PTGES3: variants seen among roughly 807,000 people sequenced by gnomAD.
The protein encoded by PTGES3 is Hsp90 co-chaperone.
In PTGES3, 5 loss-of-function variants were observed where a neutral mutation model predicts 29.9. The ratio of observed to expected loss-of-function variants is 0.17; its 90% CI spans 0.09 to 0.35. The LOEUF (loss-of-function observed/expected upper bound fraction) is 0.35. Ranked by LOEUF, PTGES3 falls within the 10% of genes least tolerant of loss-of-function variation. The pLI is 1.00. For missense variants in PTGES3, 128 were observed against 190.0 expected (o/e 0.67, Z 1.92); for synonymous variants, 49 against 57.8 (o/e 0.85, Z 0.69).
chr12:56,677,475 T>C (rs570049641), intron 1 of PTGES3, among the ~76,000 whole-genome samples: 2 of 152,276 alleles, frequency 1.3e-5, no homozygotes, highest in South Asian at 4.1e-4. Context: ...CCAAGCAACA[T>C]AACTATATTG....
chr12:56,669,652 G>A (rs1265224715), intron 5 of PTGES3, among the ~76,000 whole-genome samples: 1 of 151,330 alleles, frequency 6.6e-6, no homozygotes, highest in East Asian at 2.0e-4. Flanking sequence ...CCGCTCTTTC[G>A]CCAGGCTGGA....
chr12:56,673,133 C>A (rs1056506729), intron 1 of PTGES3, 68 bp from the exon 2 acceptor site: 5 of 1,031,792 alleles, frequency 4.8e-6, no homozygotes, highest in South Asian at 4.5e-5. Flanking sequence ...TACTAACCTT[C>A]GACACCATTA....
intron 1 of PTGES3, among the ~76,000 whole-genome samples, chr12:56,675,478 A>G (rs1057406600): frequency 6.6e-6 from 1 of 150,960 alleles, no homozygotes; most frequent in Non-Finnish European, 1.5e-5. Context: ...GCAGTGAGCC[A>G]AGATCACACT....
intron 5 of PTGES3, among the ~76,000 whole-genome samples, chr12:56,667,707 G>A (rs1323153260): frequency 6.6e-6 from 1 of 152,228 alleles, no homozygotes; most frequent in Non-Finnish European, 1.5e-5. Context: ...AGTTGCTACT[G>A]TTAAATAGGT....
chr12:56,669,432 C>T lies in PTGES3; in HGVS notation c.375+843G>A, dbSNP rs899500227. ...CTGAGTAGCTGAGATTACAGGCGCCCGCCACTGCACCCGGCTAATTTTTGT... is the reference window on the plus strand; with the variant it reads ...CTGAGTAGCTGAGATTACAGGCGCCTGCCACTGCACCCGGCTAATTTTTGT... On this transcript the variant is annotated intron_variant, in intron 5 of 7. Transcript: ENST00000262033. Among the ~76,000 whole-genome samples the T allele has an allele frequency of 2.8e-4, 43 of 152,066 alleles. 2 individuals carry two copies. Among genetic ancestry groups the T allele is most frequent in the African/African-American group, 2.4e-5 (1 of 41,402 alleles).
At chr12:56,671,128 G>A (rs959011696) in intron 4 of PTGES3, among the ~76,000 whole-genome samples, 5 of 152,134 alleles carry the variant, frequency 3.3e-5, no homozygotes, top group South Asian at 2.1e-4. Context: ...GGCTGGTGTC[G>A]TGGCTCATGC....
chr12:56,675,027 A>AAAAAAAT (rs71081385), intron 1 of PTGES3, among the ~76,000 whole-genome samples: 39 of 144,340 alleles, frequency 2.7e-4, no homozygotes, highest in East Asian at 6.1e-4. Context: ...AAAAAAAAAA[A>AAAAAAAT]GTGCTGGTTC....
intron 5 of PTGES3, 61 bp from the exon 6 acceptor site, chr12:56,666,327 G>T (rs1036253177): frequency 1.5e-5 from 23 of 1,573,906 alleles, no homozygotes; most frequent in Middle Eastern, 3.4e-4. Context: ...AATTATTAAT[G>T]CTGTATGCTT....
intron 1 of PTGES3, 148 bp downstream of exon 1, chr12:56,687,850 C>G (rs771762671): frequency 2.0e-6 from 3 of 1,502,054 alleles, no homozygotes; most frequent in African/African-American, 2.8e-5. Context: ...CCAACGGTAA[C>G]CGGAACAAGG....
intron 4 of PTGES3, 72 bp downstream of exon 4, chr12:56,671,677 A>G: frequency 1.0e-6 from 1 of 987,000 alleles, no homozygotes; most frequent in Non-Finnish European, 1.5e-6. Flanking sequence ...TATTCCTTAC[A>G]TCAAATAAGT....
intron 1 of PTGES3, among the ~76,000 whole-genome samples, chr12:56,674,017 A>G (rs1256001642): frequency 6.6e-6 from 1 of 152,124 alleles, no homozygotes. Flanking sequence ...CACTTTTTAC[A>G]TTAAGTTCAC....
At chr12:56,683,473 C>CAAAAA (rs71081388) in intron 1 of PTGES3, among the ~76,000 whole-genome samples, 645 of 29,738 alleles carry the variant, frequency 0.022, 106 homozygotes, top group Middle Eastern at 0.056. Flanking sequence ...AACTCTGTCT[C>CAAAAA]AAAAAAAAAA....
At chr12:56,681,350 AAC>A (rs1952531954) in intron 1 of PTGES3, among the ~76,000 whole-genome samples, 1 of 150,600 alleles carries the variant, frequency 6.6e-6, no homozygotes, top group African/African-American at 2.4e-5. Context: ...CTTCCTGGCT[AAC>A]AGAGTGAAAC....
At chr12:56,679,699 T>C (rs955740770) in intron 1 of PTGES3, among the ~76,000 whole-genome samples, 15 of 151,922 alleles carry the variant, frequency 9.9e-5, no homozygotes, top group African/African-American at 3.1e-4. Flanking sequence ...GGAGTCTCAC[T>C]CTGTCACCCC....
chr12:56,675,004 C>CAAAAAAAA lies in PTGES3; in HGVS notation c.3-1947_3-1940dup, dbSNP rs1177350725. ...GGGCAACAAGAGTGAAACTCGGTCT[C>CAAAAAAAA]AAAAAAAAAAAAAAAAAAAAAAAGT... is the stretch of plus-strand genomic sequence containing the variant. On this transcript the variant is annotated intron_variant, in intron 1 of 7. Coordinates refer to ENST00000262033, the MANE Select transcript of PTGES3 (RefSeq NM_006601.7). 1.3e-3 allele frequency among the ~76,000 whole-genome samples: 43 copies of CAAAAAAAA among 32,346 alleles called. 6 individuals carry two copies. Among genetic ancestry groups the CAAAAAAAA allele is most frequent in the Non-Finnish European group, 1.5e-3 (28 of 18,506 alleles). 21.2% of individuals were successfully genotyped at this position (32,346 alleles called of 152,430 possible). A position where few individuals can be genotyped will look rare whatever the true frequency, so the allele number is the denominator to read the frequency against.
chr12:56,666,375 T>C, intron 5 of PTGES3, 109 bp from the exon 6 acceptor site: 1 of 1,292,852 alleles, frequency 7.7e-7, no homozygotes, highest in Admixed American at 3.3e-5. Context: ...TATCAAAAAA[T>C]GCAAAATGCA....
chr12:56,681,188 A>G (rs1312298286), intron 1 of PTGES3, among the ~76,000 whole-genome samples: 1 of 152,072 alleles, frequency 6.6e-6, no homozygotes, highest in African/African-American at 2.4e-5. Flanking sequence ...AGACAGCCCC[A>G]ATCCTATTTC....
At chr12:56,670,447 TAA>T in intron 4 of PTGES3, 83 bp from the exon 5 acceptor site, 16 of 1,003,720 alleles carry the variant, frequency 1.6e-5, no homozygotes, top group Non-Finnish European at 2.2e-5. Context: ...TCTTTTCTTC[TAA>T]AGAGACCAGG....
intron 6 of PTGES3, chr12:56,665,954 T>C: frequency 8.3e-7 from 1 of 1,198,940 alleles, no homozygotes; most frequent in Non-Finnish European, 1.0e-6. Context: ...ACGGTATTAA[T>C]ATATAATGTC....
Sources: allele counts gnomAD v4.1 joint callset (sites outside exome capture counted in the v4.1 genomes callset), GRCh38; gene constraint gnomAD v4.1.1; transcripts MANE v1.5; gene names NCBI Gene and HGNC (gene_info 2026-07-23, HGNC 2026-07-21).